Variants in TCERG1L observed in about 807,000 individuals in gnomAD.
TCERG1L encodes transcription elongation regulator 1-like protein.
Under a neutral mutation model 56.3 loss-of-function variants are expected in TCERG1L, and 37 were observed. The observed-to-expected ratio is 0.66, with a 90% CI of 0.51 to 0.87. TCERG1L has a LOEUF of 0.87. Among genes scored for constraint, TCERG1L ranks in the 40% least tolerant of loss-of-function variants. TCERG1L has a pLI of 0.00. For missense variants in TCERG1L, 799 were observed against 774.2 expected, an observed-to-expected ratio of 1.03 and a Z score of -0.38; for synonymous variants, 324 against 326.3, an observed-to-expected ratio of 0.99 and a Z score of 0.08.
At chr10:131,195,801 G>A (rs947754888) in intron 4 of TCERG1L, among the ~76,000 whole-genome samples, 10 of 152,204 alleles carry the variant, frequency 6.6e-5, no homozygotes, top group African/African-American at 2.4e-4. Context: ...TCTTCCGCAA[G>A]GCCTTCTGGG....
chr10:131,261,164 T>C (rs189773925), intron 3 of TCERG1L, among the ~76,000 whole-genome samples: 86 of 152,362 alleles, frequency 5.6e-4, no homozygotes, highest in Admixed American at 9.8e-4. Flanking sequence ...CTGACATCAA[T>C]GGACGCATCT....
intron 6 of TCERG1L, among the ~76,000 whole-genome samples, chr10:131,155,869 T>C (rs754444407): frequency 2.0e-5 from 3 of 152,030 alleles, no homozygotes; most frequent in Non-Finnish European, 2.9e-5. Context: ...CGCCAACTCC[T>C]CCTCCCTCAC....
rs561600625 is a variant in TCERG1L at position 131,093,033 on chromosome 10, C to A, written c.*129G>T. The stretch of plus-strand genomic sequence containing the variant: ...AGTAATCCTCTGAGAACGAAGACCC[C>A]GCAGTGCCGGTGCCCGCTGGGCCGT... On this transcript the variant is annotated 3_prime_UTR_variant, in exon 12 of 12. Coordinates refer to ENST00000368642, the MANE Select transcript of TCERG1L (RefSeq NM_174937.4). 5 of 865,752 alleles carry A rather than the reference C, an allele frequency of 5.8e-6. No homozygotes were observed. The Admixed American group carries it at 1.4e-4, about 24-fold the overall frequency. 53.6% of individuals were successfully genotyped at this position (865,752 alleles called of 1,614,324 possible).
At chr10:131,190,867 G>A (rs1419145290) in intron 4 of TCERG1L, among the ~76,000 whole-genome samples, 1 of 143,918 alleles carries the variant, frequency 6.9e-6, no homozygotes, top group Non-Finnish European at 1.5e-5. Flanking sequence ...GTACTAACCA[G>A]AGAAATTAAA....
In TCERG1L at chr10:131,148,982, C is replaced by T. The variant is rs931718628; in HGVS notation, c.1035-2322G>A. On this transcript the variant is annotated intron_variant, in intron 6 of 11. Transcript: ENST00000368642. ...TTGTGCCTGGAGGCCTTGGCCACAG[C>T]TGGCCTGGTCATCCATGTGGGAGAA... Among the ~76,000 whole-genome samples, 3 of 152,328 alleles carry T rather than the reference C, an allele frequency of 2.0e-5. No homozygotes were observed. In the South Asian group the frequency reaches 6.2e-4, roughly 32 times the overall value.
intron 4 of TCERG1L, among the ~76,000 whole-genome samples, chr10:131,257,312 G>A (rs1846183591): frequency 6.6e-6 from 1 of 152,176 alleles, no homozygotes. Context: ...GAGGGCAGCA[G>A]GGACCAGCCT....
At chr10:131,196,973 G>A (rs1005553308) in intron 4 of TCERG1L, among the ~76,000 whole-genome samples, 2 of 152,164 alleles carry the variant, frequency 1.3e-5, no homozygotes, top group African/African-American at 4.8e-5. Flanking sequence ...TGGGGATCAG[G>A]TCCTTTGCAA....
At chr10:131,299,943 G>T (rs957909395) in intron 3 of TCERG1L, among the ~76,000 whole-genome samples, 1 of 152,000 alleles carries the variant, frequency 6.6e-6, no homozygotes, top group African/African-American at 2.4e-5. Context: ...ATTAAAAACA[G>T]AAAAATATAT....
chr10:131,247,314 G>A (rs1304920078), intron 4 of TCERG1L, among the ~76,000 whole-genome samples: 1 of 152,128 alleles, frequency 6.6e-6, no homozygotes, highest in Non-Finnish European at 1.5e-5. Context: ...AGATATTCAA[G>A]TCTTACACAT....
At chr10:131,303,851 C>G (rs1260621569) in intron 3 of TCERG1L, among the ~76,000 whole-genome samples, 1 of 152,058 alleles carries the variant, frequency 6.6e-6, no homozygotes, top group Non-Finnish European at 1.5e-5. Flanking sequence ...TTATCTTTTA[C>G]TGCTTTTCTA....
chr10:131,294,970 C>T (rs979533672), intron 3 of TCERG1L, among the ~76,000 whole-genome samples: 3 of 152,096 alleles, frequency 2.0e-5, no homozygotes, highest in Non-Finnish European at 4.4e-5. Flanking sequence ...TGCCCTCTGA[C>T]CTGTTGTTGT....
chr10:131,233,183 T>C (rs1845870662), intron 4 of TCERG1L, among the ~76,000 whole-genome samples: 1 of 152,188 alleles, frequency 6.6e-6, no homozygotes, highest in Non-Finnish European at 1.5e-5. Flanking sequence ...ACACCTGTTT[T>C]AGTACAGATC....
chr10:131,150,587 G>C (rs1311886929), intron 6 of TCERG1L, among the ~76,000 whole-genome samples: 1 of 152,220 alleles, frequency 6.6e-6, no homozygotes. Flanking sequence ...TTGAGGGCCA[G>C]AGGACTGGGG....
At chr10:131,245,543 G>A (rs80143924) in intron 4 of TCERG1L, among the ~76,000 whole-genome samples, 3,454 of 152,174 alleles carry the variant, frequency 0.023, 132 homozygotes, top group African/African-American at 0.078. Flanking sequence ...GCGGCTCTCC[G>A]GGGGCAGCGA....
At chr10:131,276,487 A>G (rs1846394626) in intron 3 of TCERG1L, among the ~76,000 whole-genome samples, 1 of 152,238 alleles carries the variant, frequency 6.6e-6, no homozygotes, top group Non-Finnish European at 1.5e-5. Context: ...TGTTCAACAC[A>G]CACGCAATTT....
At chr10:131,142,514 A>G (rs1845749172) in intron 7 of TCERG1L, among the ~76,000 whole-genome samples, 1 of 152,240 alleles carries the variant, frequency 6.6e-6, no homozygotes, top group African/African-American at 2.4e-5. Flanking sequence ...ATAAATGGCT[A>G]AAGCGTTTAC....
At chr10:131,120,003 G>C (rs1163137780) in intron 8 of TCERG1L, among the ~76,000 whole-genome samples, 1 of 152,148 alleles carries the variant, frequency 6.6e-6, no homozygotes, top group Non-Finnish European at 1.5e-5. Flanking sequence ...CCATAGCCCT[G>C]GGCGGGGGTC....
At chr10:131,167,716 G>A (rs1846047353) in intron 4 of TCERG1L, among the ~76,000 whole-genome samples, 1 of 152,208 alleles carries the variant, frequency 6.6e-6, no homozygotes, top group Non-Finnish European at 1.5e-5. Flanking sequence ...TGGCCGCCAT[G>A]GTGGGCCCTG....
chr10:131,268,380 T>C (rs1564829870), intron 3 of TCERG1L, among the ~76,000 whole-genome samples: 1 of 152,236 alleles, frequency 6.6e-6, no homozygotes, highest in South Asian at 2.1e-4. Context: ...GTTCCATTTA[T>C]AGCACACAGG....
Sources: gnomAD v4.1 joint callset for allele counts (sites outside exome capture counted in the v4.1 genomes callset) on GRCh38, gnomAD v4.1.1 for gene constraint, MANE v1.5 for transcripts, NCBI Gene and HGNC (gene_info 2026-07-23, HGNC 2026-07-21) for gene names.